RASGRF1: variants seen among roughly 807,000 people sequenced by gnomAD.
RASGRF1 encodes ras-specific guanine nucleotide-releasing factor 1.
A neutral mutation model predicts 138.7 loss-of-function variants in RASGRF1; 40 were observed. The observed-to-expected ratio is 0.29, with a 90% CI of 0.22 to 0.38. The LOEUF is 0.38. Ranked by LOEUF, RASGRF1 falls within the 10% of genes least tolerant of loss-of-function variation. RASGRF1 has a pLI of 1.00. For synonymous variants in RASGRF1, 614 were observed against 663.2 expected (o/e 0.93, Z 1.14); for missense variants, 1,108 against 1,650.4 (o/e 0.67, Z 5.69).
chr15:78,984,179 G>T (rs2056098373), intron 23 of RASGRF1, among the ~76,000 whole-genome samples: 1 of 152,146 alleles, frequency 6.6e-6, no homozygotes, highest in African/African-American at 2.4e-5. Context: ...GAGCCACTGG[G>T]TCCCACACAG....
chr15:78,981,547 C>T (rs3825928), intron 23 of RASGRF1: 35,619 of 152,160 alleles, frequency 0.23, 4,273 homozygotes, highest in Non-Finnish European at 0.25. Flanking sequence ...GGGACACAGG[C>T]CCCGGAGGCC....
At chr15:78,964,806 C>A (rs1323073780) in intron 26 of RASGRF1, among the ~76,000 whole-genome samples, 10 of 152,212 alleles carry the variant, frequency 6.6e-5, no homozygotes, top group Non-Finnish European at 1.5e-4. Context: ...TAACTGTTTT[C>A]ATTTTTTTGT....
intron 21 of RASGRF1, among the ~76,000 whole-genome samples, chr15:78,991,027 A>G (rs1312088109): frequency 3.3e-5 from 5 of 152,236 alleles, no homozygotes; most frequent in African/African-American, 1.2e-4. Context: ...CTGGGAAACC[A>G]TTCTGGGACC....
intron 22 of RASGRF1, 25 bp downstream of exon 22, chr15:78,990,164 G>A (rs1206708901): frequency 6.5e-7 from 1 of 1,533,544 alleles, no homozygotes; most frequent in Non-Finnish European, 9.0e-7. Context: ...ACCCCAGTGA[G>A]AGAGGCGCTC....
chr15:79,053,444 T>G (rs1466770486), intron 3 of RASGRF1, among the ~76,000 whole-genome samples: 1 of 152,158 alleles, frequency 6.6e-6, no homozygotes, highest in East Asian at 1.9e-4. Context: ...CTCTCCAAAT[T>G]TACTTCCAAT....
In RASGRF1 at chr15:79,090,269, G is replaced by A. The variant is rs758355855; in HGVS notation, c.230C>T (p.Pro77Leu). Reference sequence around the variant, plus strand: ...GGCCGACAGCGCCGGCTTGGGGGAGGGCGCGCGGTCGCAGACGCAGCCCTC... The same window carrying A: ...GGCCGACAGCGCCGGCTTGGGGGAGAGCGCGCGGTCGCAGACGCAGCCCTC... ...LLEGCVCDRA[P>L]SPKPALSAKE... The change falls in exon 1 of 27, where the codon CCC (proline) becomes CTC (leucine). Residue 77 changes from proline (P) to leucine (L), a missense_variant. Physicochemically the swap from Pro to Leu is moderately conservative, Grantham distance 98. Coordinates refer to ENST00000558480, the MANE Select transcript of RASGRF1 (RefSeq NM_001145648.3). 1 of 1,611,208 alleles carries A rather than the reference G, an allele frequency of 6.2e-7. No homozygotes were observed. The highest frequency in any genetic ancestry group is 8.5e-7 in the Non-Finnish European group (1 of 1,179,344).
At chr15:79,047,819 G>C (rs1273948465) in intron 4 of RASGRF1, among the ~76,000 whole-genome samples, 1 of 152,154 alleles carries the variant, frequency 6.6e-6, no homozygotes, top group African/African-American at 2.4e-5. Flanking sequence ...GTCCACACTG[G>C]GAGGAAGGGT....
At chr15:78,962,670 C>T (rs2055570523) in intron 26 of RASGRF1, among the ~76,000 whole-genome samples, 1 of 152,052 alleles carries the variant, frequency 6.6e-6, no homozygotes, top group South Asian at 2.1e-4. Context: ...ATCGCTTGAG[C>T]CCAGGAGTTT....
At chr15:79,080,925 G>A (rs1287455223) in intron 1 of RASGRF1, among the ~76,000 whole-genome samples, 1 of 152,222 alleles carries the variant, frequency 6.6e-6, no homozygotes, top group Non-Finnish European at 1.5e-5. Context: ...TGGTATTTGT[G>A]GAGAGAATGA....
At chr15:79,076,513 A>G (rs984927726) in intron 1 of RASGRF1, among the ~76,000 whole-genome samples, 10 of 152,208 alleles carry the variant, frequency 6.6e-5, no homozygotes, top group Admixed American at 2.0e-4. Flanking sequence ...GGGTTCACCC[A>G]TCTGAGGCTC....
At chr15:78,962,980 G>C (rs61117503) in intron 26 of RASGRF1, among the ~76,000 whole-genome samples, 1 of 152,102 alleles carries the variant, frequency 6.6e-6, no homozygotes, top group African/African-American at 2.4e-5. Flanking sequence ...CTCCAAGAGA[G>C]GCAAGTGGAA....
chr15:78,971,121 A>G (rs1191709070), intron 26 of RASGRF1, among the ~76,000 whole-genome samples: 4 of 152,154 alleles, frequency 2.6e-5, no homozygotes, highest in Non-Finnish European at 5.9e-5. Flanking sequence ...CTCTTCCAGG[A>G]TTCTCCTACT....
At chr15:79,040,463 C>T (rs1477960035) in intron 5 of RASGRF1, among the ~76,000 whole-genome samples, 1 of 151,902 alleles carries the variant, frequency 6.6e-6, no homozygotes, top group Non-Finnish European at 1.5e-5. Context: ...CCTTCAACAC[C>T]CTGTAGGAAC....
intron 19 of RASGRF1, 160 bp downstream of exon 19, chr15:78,997,936 C>A (rs561536861): frequency 1.8e-4 from 110 of 622,948 alleles, no homozygotes; most frequent in Non-Finnish European, 2.8e-4. Flanking sequence ...CCTGAGCCTG[C>A]CCCCAAGAGC....
intron 24 of RASGRF1, among the ~76,000 whole-genome samples, chr15:78,976,584 A>ACC (rs1555450123): frequency 3.3e-5 from 5 of 151,500 alleles, no homozygotes; most frequent in East Asian, 1.9e-4. Flanking sequence ...ACACACACAC[A>ACC]CCCATCCGAA....
intron 24 of RASGRF1, chr15:78,978,669 T>C (rs1022849886): frequency 9.8e-7 from 1 of 1,016,568 alleles, no homozygotes; most frequent in Non-Finnish European, 1.2e-6. Flanking sequence ...TCGCTACTCT[T>C]GCCCCCGTCC....
rs543724463 is a variant in RASGRF1, at chr15:78,972,892, C to T, written c.3612+411G>A. Among the ~76,000 whole-genome samples the T allele has an allele frequency of 3.6e-4, 55 of 152,214 alleles. 1 individual carries two copies. The highest frequency in any genetic ancestry group is 7.5e-4 in the African/African-American group (31 of 41,528). The stretch of plus-strand genomic sequence containing the variant: ...TGTCCACATCAAGCAAGTGTCGATA[C>T]GAACAATACGGATGGGTGTGAATGA... On this transcript the variant is annotated intron_variant, in intron 25 of 26. Coordinates refer to ENST00000558480, the MANE Select transcript of RASGRF1 (RefSeq NM_001145648.3).
At chr15:79,013,186 C>T (rs566024338) in intron 13 of RASGRF1, among the ~76,000 whole-genome samples, 1 of 152,342 alleles carries the variant, frequency 6.6e-6, no homozygotes, top group South Asian at 2.1e-4. Context: ...TCCATATTCA[C>T]ACACAAAGCT....
chr15:78,978,641 T>C (rs2055936314), intron 24 of RASGRF1: 2 of 1,003,944 alleles, frequency 2.0e-6, no homozygotes, highest in African/African-American at 3.4e-5. Context: ...TCATTGGCTA[T>C]GCCCATGGAC....
Sources: allele counts gnomAD v4.1 joint callset (sites outside exome capture counted in the v4.1 genomes callset), GRCh38; gene constraint gnomAD v4.1.1; transcripts MANE v1.5; gene names NCBI Gene and HGNC (gene_info 2026-07-23, HGNC 2026-07-21).